Variants in MYEF2 observed in about 807,000 individuals in gnomAD.
MYEF2 encodes myelin expression factor 2.
In MYEF2, 37 loss-of-function variants were observed where a neutral mutation model predicts 75.2. The observed-to-expected ratio is 0.49, with a 90% CI of 0.38 to 0.65. The LOEUF (loss-of-function observed/expected upper bound fraction) is 0.65. Ranked by LOEUF, MYEF2 falls within the 30% of genes least tolerant of loss-of-function variation. The pLI, the probability that MYEF2 is intolerant of heterozygous loss-of-function variation, is 0.00. For missense variants in MYEF2, 634 were observed against 771.4 expected (o/e 0.82, Z 2.11); for synonymous variants, 195 against 241.6 (o/e 0.81, Z 1.79).
Position 48,140,411 on chromosome 15 carries a change from A to G in MYEF2, c.*2497T>C, listed in dbSNP as rs1382887720. On this transcript the variant is annotated 3_prime_UTR_variant, in exon 17 of 17. Coordinates refer to ENST00000324324, the MANE Select transcript of MYEF2 (RefSeq NM_016132.5). ...GAAAGAAAAAAAAGACGCTAAACCA[A>G]GTTTTCAATTACAACATTAAAGGAA... 6.6e-6 allele frequency: 1 copy of G among 152,120 alleles called. No individual in the cohort carries two copies. The highest frequency in any genetic ancestry group is 1.5e-5 in the Non-Finnish European group (1 of 67,990). 9.4% of individuals were successfully genotyped at this position (152,120 alleles called of 1,614,324 possible). A position where few individuals can be genotyped will look rare whatever the true frequency, so the allele number is the denominator to read the frequency against.
chr15:48,159,051 T>C (rs1337909924), intron 6 of MYEF2, 129 bp from the exon 7 acceptor site: 2 of 761,114 alleles, frequency 2.6e-6, no homozygotes, highest in South Asian at 2.0e-5. Flanking sequence ...ATATTGATAA[T>C]GTTCAAATTT....
chr15:48,156,273 G>A (rs1483612131), intron 9 of MYEF2, among the ~76,000 whole-genome samples: 1 of 151,882 alleles, frequency 6.6e-6, no homozygotes, highest in Non-Finnish European at 1.5e-5. Flanking sequence ...AAAATAATAA[G>A]GCTAAGTGCA....
chr15:48,145,215 G>A (rs2039236456), intron 16 of MYEF2, among the ~76,000 whole-genome samples: 1 of 151,708 alleles, frequency 6.6e-6, no homozygotes, highest in South Asian at 2.1e-4. Context: ...TGGTTAGACT[G>A]CTCCCCTAAA....
At chr15:48,151,400 CAAAAA>C in intron 13 of MYEF2, 68 bp downstream of exon 13, 1 of 1,396,008 alleles carries the variant, frequency 7.2e-7, no homozygotes, top group Non-Finnish European at 1.0e-6. Flanking sequence ...TGATTTTTCA[CAAAAA>C]AAGAGAAACC....
chr15:48,163,190 C>T (rs560063639), intron 5 of MYEF2, among the ~76,000 whole-genome samples: 47 of 152,224 alleles, frequency 3.1e-4, no homozygotes, highest in African/African-American at 1.1e-3. Context: ...TTTAAGATAC[C>T]GGTTACCTTT....
rs1278649521 is a variant in MYEF2 at position 48,139,042 on chromosome 15, T to C, written c.*3866A>G. ...TTTGGGTATTATCCCTTCCTATTAT[T>C]ACATTACTTTTTCTAACCACACCAG... is the stretch of plus-strand genomic sequence containing the variant. On this transcript the variant is annotated 3_prime_UTR_variant, in exon 17 of 17. Coordinates refer to ENST00000324324, the MANE Select transcript of MYEF2 (RefSeq NM_016132.5). The C allele has an allele frequency of 6.2e-7, 1 of 1,613,004 alleles. No homozygotes were observed. The highest frequency in any genetic ancestry group is 8.5e-7 in the Non-Finnish European group (1 of 1,179,308).
intron 9 of MYEF2, 110 bp downstream of exon 9, chr15:48,157,883 C>G: frequency 6.6e-7 from 1 of 1,518,550 alleles, no homozygotes; most frequent in Non-Finnish European, 8.8e-7. Context: ...CCAAACTAAT[C>G]CCAAATTGTG....
intron 1 of MYEF2, among the ~76,000 whole-genome samples, chr15:48,176,215 G>C (rs1393307488): frequency 1.9e-5 from 2 of 107,200 alleles, no homozygotes; most frequent in Non-Finnish European, 3.6e-5. Context: ...ACTAGTTCAC[G>C]AAGTAAAAAA....
intron 3 of MYEF2, 37 bp from the exon 4 acceptor site, chr15:48,166,165 A>T (rs1352206160): frequency 6.5e-7 from 1 of 1,530,676 alleles, no homozygotes; most frequent in South Asian, 1.2e-5. Context: ...ATGCAAAAGA[A>T]AAAAAGTTTT....
chr15:48,142,927 C>T lies in MYEF2; in HGVS notation c.1784G>A (p.Arg595His), dbSNP rs1331806615. 3 of 1,594,634 alleles carry T rather than the reference C, an allele frequency of 1.9e-6. No homozygotes were observed. Among genetic ancestry groups the T allele is most frequent in the Non-Finnish European group, 2.6e-6 (3 of 1,171,676 alleles). Residue 595 changes from arginine to histidine, a missense_variant, in exon 17 of 17, where the codon CGC becomes CAC. Physicochemically the swap from Arg to His is conservative, Grantham distance 29. Transcript: ENST00000324324. Reference sequence around the variant, plus strand: ...TTGAAATTATGCATTACGATCCAAGCGAACATCAATTTCTCTGCCACTGAT... The same window carrying T: ...TTGAAATTATGCATTACGATCCAAGTGAACATCAATTTCTCTGCCACTGAT... Reference protein sequence around the residue: ...IKISGREIDVRLDRNA With the variant: ...IKISGREIDVHLDRNA
At chr15:48,158,968 C>T in intron 6 of MYEF2, 46 bp from the exon 7 acceptor site, 1 of 1,530,800 alleles carries the variant, frequency 6.5e-7, no homozygotes, top group African/African-American at 1.4e-5. Flanking sequence ...AAATCCATCT[C>T]CCCATCTGTA....
Position 48,138,804 on chromosome 15 carries a change from A to T in MYEF2, c.*4104T>A. On this transcript the variant is annotated 3_prime_UTR_variant, in exon 17 of 17. Coordinates refer to ENST00000324324, the MANE Select transcript of MYEF2 (RefSeq NM_016132.5). Reference sequence around the variant, plus strand: ...CATTGTCTGCCCTAAAGTTTCAATTAGTTTCTTTTCACCAGCAATATCAGT... The same window carrying T: ...CATTGTCTGCCCTAAAGTTTCAATTTGTTTCTTTTCACCAGCAATATCAGT... The T allele has an allele frequency of 1.7e-6, 1 of 588,148 alleles. No individual in the cohort carries two copies. The highest frequency in any genetic ancestry group is 3.1e-6 in the Non-Finnish European group (1 of 327,554). 36.4% of individuals were successfully genotyped at this position (588,148 alleles called of 1,614,324 possible).
At chr15:48,158,669 T>C (rs1413261139) in intron 7 of MYEF2, 100 bp downstream of exon 7, 4 of 1,413,632 alleles carry the variant, frequency 2.8e-6, no homozygotes, top group Non-Finnish European at 3.9e-6. Context: ...CACACATCTC[T>C]AAGCCAGGCA....
chr15:48,176,417 T>C (rs180978134), intron 1 of MYEF2, among the ~76,000 whole-genome samples: 126 of 152,274 alleles, frequency 8.3e-4, no homozygotes, highest in African/African-American at 2.9e-3. Context: ...CTGTATTTAC[T>C]AGTAATATTT....
chr15:48,151,493 C>A lies in MYEF2; in HGVS notation c.1286G>T (p.Gly429Val). 1 of 1,612,986 alleles carries A rather than the reference C, an allele frequency of 6.2e-7. No homozygotes were observed. The highest frequency in any genetic ancestry group is 1.1e-5 in the South Asian group (1 of 91,052). ...CCTACCAAGTCTACCAAAGGAATCT[C>A]CAAAGCCTCGATTTATTCCAATATC... is the stretch of plus-strand genomic sequence containing the variant. Reference protein sequence around the residue: ...RGDIGINRGFGDSFGRLGSAM... With the variant: ...RGDIGINRGFVDSFGRLGSAM... Residue 429 changes from glycine to valine, a missense_variant, in exon 13 of 17, where the codon GGA (glycine) becomes GTA (valine). Coordinates refer to ENST00000324324, the MANE Select transcript of MYEF2 (RefSeq NM_016132.5).
At chr15:48,153,613 C>G in intron 10 of MYEF2, 179 bp downstream of exon 10, 1 of 561,134 alleles carries the variant, frequency 1.8e-6, no homozygotes. Context: ...TGACTTCTGC[C>G]TATCTCTTTC....
chr15:48,173,073 T>G (rs1462445014), intron 1 of MYEF2, among the ~76,000 whole-genome samples: 1 of 152,198 alleles, frequency 6.6e-6, no homozygotes, highest in Non-Finnish European at 1.5e-5. Context: ...ATATCCCTGA[T>G]GATCACAGAT....
At position 48,149,547 on chromosome 15, in the gene MYEF2, A is replaced by T; in HGVS notation, c.1379-176T>A. ...TATAAAAACATAAAATTATTTTCATACAGATAACAACTTTCCAAAGAACAG... is the reference window on the plus strand; with the variant it reads ...TATAAAAACATAAAATTATTTTCATTCAGATAACAACTTTCCAAAGAACAG... On this transcript the variant is annotated intron_variant, in intron 14 of 16. Coordinates refer to ENST00000324324, the MANE Select transcript of MYEF2 (RefSeq NM_016132.5). The surrounding 1 kb of genome is among the most constrained non-coding windows in gnomAD (Gnocchi z 4.0). The T allele has an allele frequency of 2.3e-6, 1 of 427,690 alleles. No individual in the cohort carries two copies. Among genetic ancestry groups the T allele is most frequent in the Middle Eastern group, 6.4e-4 (1 of 1,560 alleles). The allele number at this position is 427,690 out of a possible 1,614,324, so 26.5% of individuals were successfully genotyped here.
In MYEF2 at chr15:48,136,460, T is replaced by TA. The variant is rs2038901732; in HGVS notation, c.*6447_*6448insT. ...AAAAACGAGTTTGTTGATCTTGTTT[T>TA]TAAAAAAAAAAAAACAACACAGAAG... is the stretch of plus-strand genomic sequence containing the variant. On this transcript the variant is annotated 3_prime_UTR_variant, in exon 17 of 17. Coordinates refer to ENST00000324324, the MANE Select transcript of MYEF2 (RefSeq NM_016132.5). 1.9e-5 allele frequency: 7 copies of TA among 377,664 alleles called. No homozygotes were observed. The highest frequency in any genetic ancestry group is 1.3e-4 in the South Asian group (1 of 7,498). 23.4% of individuals were successfully genotyped at this position (377,664 alleles called of 1,614,324 possible). A position where few individuals can be genotyped will look rare whatever the true frequency, so the allele number is the denominator to read the frequency against.
Sources: allele counts gnomAD v4.1 joint callset (sites outside exome capture counted in the v4.1 genomes callset), GRCh38; gene constraint gnomAD v4.1.1; non-coding constraint Gnocchi (gnomAD v3.1); transcripts MANE v1.5; gene names NCBI Gene and HGNC (gene_info 2026-07-23, HGNC 2026-07-21).